The following HDAC9 variants were observed in gnomAD, a reference collection of about 807,000 sequenced individuals.
HDAC9 encodes MEF-2 interacting transcription repressor (MITR) protein.
A neutral mutation model predicts 139.4 loss-of-function variants in HDAC9; 41 were observed. The observed-to-expected ratio is 0.29, with a 90% confidence interval of 0.23 to 0.38. HDAC9 has a LOEUF of 0.38. HDAC9 is among the 10% of genes least tolerant of loss of function. The pLI is 1.00. For synonymous variants in HDAC9, 517 were observed against 476.2 expected, an observed-to-expected ratio of 1.09 and a Z score of -1.12; for missense variants, 1,147 against 1,297.0, an observed-to-expected ratio of 0.88 and a Z score of 1.78.
At chr7:18,718,960 A>G (rs188509710) in intron 12 of HDAC9, among the ~76,000 whole-genome samples, 344 of 152,290 alleles carry the variant, frequency 2.3e-3, no homozygotes, top group African/African-American at 7.9e-3. Context: ...TATAATAAAC[A>G]TTCTAATTGG....
At chr7:18,516,634 T>G (rs768788492) in intron 2 of HDAC9, among the ~76,000 whole-genome samples, 3 of 151,808 alleles carry the variant, frequency 2.0e-5, no homozygotes, top group Non-Finnish European at 4.4e-5. Flanking sequence ...CCGAGGTGGG[T>G]GGATCACCTG....
intron 2 of HDAC9, among the ~76,000 whole-genome samples, chr7:18,227,825 A>G (rs1002266343): frequency 5.3e-5 from 8 of 152,086 alleles, no homozygotes; most frequent in Non-Finnish European, 8.8e-5. Flanking sequence ...TTTTGTTTGC[A>G]TTCTTGATTT....
chr7:18,991,315 T>C (rs116385967), intron 25 of HDAC9, among the ~76,000 whole-genome samples: 2,038 of 152,302 alleles, frequency 0.013, 56 homozygotes, highest in African/African-American at 0.047. Flanking sequence ...ATTAGTTATA[T>C]ATAAAATCAG....
chr7:18,096,478 A>G (rs1048101581), intron 1 of HDAC9, among the ~76,000 whole-genome samples: 1 of 152,298 alleles, frequency 6.6e-6, no homozygotes, highest in Middle Eastern at 3.4e-3. Flanking sequence ...TATTTAGATG[A>G]TCATCCCAAT....
chr7:18,927,993 G>A (rs1318216168), intron 22 of HDAC9, among the ~76,000 whole-genome samples: 7 of 152,280 alleles, frequency 4.6e-5, no homozygotes, highest in African/African-American at 9.6e-5. Flanking sequence ...TTAAGTAGAA[G>A]TAAAATGACT....
intron 1 of HDAC9, among the ~76,000 whole-genome samples, chr7:18,469,664 T>A (rs1300768647): frequency 6.6e-6 from 1 of 152,182 alleles, no homozygotes; most frequent in African/African-American, 2.4e-5. Context: ...GTTTTCTCTA[T>A]CCTTATTCTA....
chr7:18,808,933 C>G (rs1378325193), intron 17 of HDAC9, among the ~76,000 whole-genome samples: 1 of 152,056 alleles, frequency 6.6e-6, no homozygotes, highest in Non-Finnish European at 1.5e-5. Flanking sequence ...TTCTTGATTT[C>G]AAATTCTGTG....
chr7:18,506,082 G>C (rs1224795388), intron 2 of HDAC9: 1 of 152,178 alleles, frequency 6.6e-6, no homozygotes, highest in East Asian at 1.9e-4. Context: ...ATTTCTAGTA[G>C]TTTAAATAAA....
chr7:18,474,590 A>G (rs1312415542), intron 1 of HDAC9, among the ~76,000 whole-genome samples: 1 of 152,216 alleles, frequency 6.6e-6, no homozygotes, highest in Non-Finnish European at 1.5e-5. Flanking sequence ...AGAAGATTTT[A>G]TGTTCTCAGA....
intron 5 of HDAC9, among the ~76,000 whole-genome samples, chr7:18,593,035 C>A (rs948123342): frequency 1.3e-5 from 2 of 152,084 alleles, no homozygotes; most frequent in African/African-American, 4.8e-5. Flanking sequence ...TGAAATTGAA[C>A]TTCAGTAGAG....
chr7:18,154,108 T>C (rs368390130), intron 1 of HDAC9, among the ~76,000 whole-genome samples: 18 of 152,358 alleles, frequency 1.2e-4, no homozygotes, highest in Middle Eastern at 3.4e-3. Context: ...GACTTCATGC[T>C]TCCCTTCACA....
intron 1 of HDAC9, among the ~76,000 whole-genome samples, chr7:18,147,170 C>A (rs1178446092): frequency 6.6e-6 from 1 of 152,020 alleles, no homozygotes; most frequent in South Asian, 2.1e-4. Context: ...TTATTATGGT[C>A]CATTTTGTAA....
At chr7:18,350,674 A>G (rs751353621) in intron 1 of HDAC9, among the ~76,000 whole-genome samples, 3 of 152,216 alleles carry the variant, frequency 2.0e-5, no homozygotes, top group Non-Finnish European at 4.4e-5. Context: ...CCATAGCTGT[A>G]AGGGAAAAAT....
chr7:18,805,759 T>G (rs1237061497), intron 17 of HDAC9, among the ~76,000 whole-genome samples: 5 of 152,192 alleles, frequency 3.3e-5, no homozygotes, highest in African/African-American at 1.2e-4. Context: ...TTTGGATGTC[T>G]GCTGTGACTG....
At chr7:18,207,559 A>ATTTTTTTTTTTTTTTTTTTTTT (rs1584636090) in intron 2 of HDAC9, among the ~76,000 whole-genome samples, 42 of 37,352 alleles carry the variant, frequency 1.1e-3, no homozygotes, top group African/African-American at 1.6e-3. Context: ...TTTTTTTTTG[A>ATTTTTTTTTTTTTTTTTTTTTT]TTTGAGCTTT....
chr7:18,285,809 A>C (rs937043541), upstream of HDAC9, among the ~76,000 whole-genome samples: 2 of 152,078 alleles, frequency 1.3e-5, no homozygotes, highest in Admixed American at 1.3e-4. Flanking sequence ...CATTTATTTG[A>C]ATATATGTCA....
chr7:18,632,770 T>G (rs1204831321), intron 7 of HDAC9, among the ~76,000 whole-genome samples: 2 of 151,996 alleles, frequency 1.3e-5, no homozygotes, highest in Non-Finnish European at 2.9e-5. Context: ...TGAGCAGACT[T>G]TTGCTATAGT....
intron 1 of HDAC9, among the ~76,000 whole-genome samples, chr7:18,420,596 T>A (rs562974410): frequency 7.9e-5 from 12 of 152,316 alleles, no homozygotes; most frequent in Admixed American, 2.6e-4. Flanking sequence ...TACATTCATT[T>A]ACTTGTTTAT....
At chr7:18,315,424 A>G (rs991603338) in intron 1 of HDAC9, among the ~76,000 whole-genome samples, 4 of 152,194 alleles carry the variant, frequency 2.6e-5, no homozygotes, top group African/African-American at 9.6e-5. Context: ...CCAGGCTGGT[A>G]AAACAAGCTG....
Sources: gnomAD v4.1 joint callset for allele counts (sites outside exome capture counted in the v4.1 genomes callset) on GRCh38, gnomAD v4.1.1 for gene constraint, MANE v1.5 for transcripts, NCBI Gene and HGNC (gene_info 2026-07-23, HGNC 2026-07-21) for gene names.